Variants in ASIC2 observed in about 807,000 individuals in gnomAD.
ASIC2 encodes acid-sensing ion channel 2.
ASIC2 carries 25 observed loss-of-function variants against 57.3 expected under a neutral mutation model. The ratio of observed to expected loss-of-function variants is 0.44; its 90% confidence interval spans 0.32 to 0.61. ASIC2 has a LOEUF of 0.61. Among genes scored for constraint, ASIC2 ranks in the 20% least tolerant of loss-of-function variants. The pLI is 0.06. For missense variants in ASIC2, 641 were observed against 738.1 expected, an observed-to-expected ratio of 0.87 and a Z score of 1.52; for synonymous variants, 319 against 307.5, an observed-to-expected ratio of 1.04 and a Z score of -0.39.
intron 1 of ASIC2, among the ~76,000 whole-genome samples, chr17:33,700,394 T>G (rs1286801792): frequency 6.6e-6 from 1 of 152,162 alleles, no homozygotes; most frequent in Non-Finnish European, 1.5e-5. Flanking sequence ...CTAGCTGGAA[T>G]ACCCCTAGAG....
At chr17:33,424,413 G>A (rs950288029) in intron 1 of ASIC2, among the ~76,000 whole-genome samples, 1 of 152,216 alleles carries the variant, frequency 6.6e-6, no homozygotes, top group East Asian at 1.9e-4. Flanking sequence ...CAGAAGTTCA[G>A]TGGGGAGTCC....
At chr17:33,393,322 A>C (rs540212953) in intron 1 of ASIC2, among the ~76,000 whole-genome samples, 1 of 152,106 alleles carries the variant, frequency 6.6e-6, no homozygotes, top group Admixed American at 6.5e-5. Flanking sequence ...CATGGCTTTA[A>C]TGCTCCTCTG....
intron 2 of ASIC2, among the ~76,000 whole-genome samples, chr17:33,105,361 C>T (rs150120786): frequency 2.0e-5 from 3 of 152,316 alleles, no homozygotes; most frequent in Non-Finnish European, 4.4e-5. Context: ...TTGCCTGCTG[C>T]CATGTAAGAT....
chr17:33,459,283 T>C (rs575984075), intron 1 of ASIC2, among the ~76,000 whole-genome samples: 8 of 152,190 alleles, frequency 5.3e-5, no homozygotes, highest in Non-Finnish European at 1.0e-4. Flanking sequence ...CTGGCCTGTT[T>C]GTCAGGCTGT....
intron 1 of ASIC2, among the ~76,000 whole-genome samples, chr17:33,483,880 C>A (rs1913493270): frequency 6.6e-6 from 1 of 152,078 alleles, no homozygotes; most frequent in Non-Finnish European, 1.5e-5. Context: ...AAGATCTTGC[C>A]ATGGGGAAAT....
At chr17:33,199,338 T>G (rs188931904) in intron 1 of ASIC2, among the ~76,000 whole-genome samples, 1 of 152,328 alleles carries the variant, frequency 6.6e-6, no homozygotes, top group Non-Finnish European at 1.5e-5. Context: ...GCCAACTTGT[T>G]TAATCATCAG....
chr17:34,028,291 G>A (rs960896738), intron 1 of ASIC2, among the ~76,000 whole-genome samples: 8 of 152,166 alleles, frequency 5.3e-5, no homozygotes, highest in Non-Finnish European at 1.2e-4. Flanking sequence ...TGCTCATTAG[G>A]AGGAACAAAG....
At chr17:33,982,049 G>A (rs554807063) in intron 1 of ASIC2, among the ~76,000 whole-genome samples, 1 of 152,298 alleles carries the variant, frequency 6.6e-6, no homozygotes, top group South Asian at 2.1e-4. Flanking sequence ...AAGATGCTAA[G>A]CACCTGAGTA....
chr17:33,287,927 T>C (rs1452890623), intron 1 of ASIC2, among the ~76,000 whole-genome samples: 1 of 152,152 alleles, frequency 6.6e-6, no homozygotes, highest in Non-Finnish European at 1.5e-5. Flanking sequence ...CTCACTGAAA[T>C]ACATTTCACT....
chr17:33,071,720 T>C (rs1238966595), intron 3 of ASIC2, among the ~76,000 whole-genome samples: 1 of 152,226 alleles, frequency 6.6e-6, no homozygotes, highest in Middle Eastern at 3.2e-3. Flanking sequence ...TTAAGTTACT[T>C]AGAAAGAGTT....
intron 1 of ASIC2, among the ~76,000 whole-genome samples, chr17:33,184,713 C>A (rs763979286): frequency 1.3e-5 from 2 of 152,168 alleles, no homozygotes; most frequent in Non-Finnish European, 2.9e-5. Context: ...GGATACCTGC[C>A]TTTCAGGGGT....
chr17:33,400,730 C>T (rs1910252647), intron 1 of ASIC2, among the ~76,000 whole-genome samples: 1 of 152,160 alleles, frequency 6.6e-6, no homozygotes, highest in Admixed American at 6.6e-5. Context: ...TGTCCAGGGG[C>T]TGAGAATTCA....
chr17:33,180,618 C>A (rs1042075467), intron 1 of ASIC2, among the ~76,000 whole-genome samples: 10 of 152,196 alleles, frequency 6.6e-5, no homozygotes, highest in Admixed American at 5.2e-4. Flanking sequence ...GGAATCACCA[C>A]CAGGCCTTGG....
chr17:33,625,171 C>CTATCTATT (rs1171154899), intron 1 of ASIC2, among the ~76,000 whole-genome samples: 2,214 of 151,950 alleles, frequency 0.015, 26 homozygotes, highest in South Asian at 0.071. Flanking sequence ...ATCTATCTAT[C>CTATCTATT]TATCATCTAT....
At chr17:33,074,931 G>C (rs185219991) in intron 3 of ASIC2, among the ~76,000 whole-genome samples, 1 of 152,174 alleles carries the variant, frequency 6.6e-6, no homozygotes, top group Admixed American at 6.5e-5. Context: ...ATGCAAAGAT[G>C]GATGTTACAG....
In ASIC2 at chr17:33,536,239, C is replaced by T. The variant is rs1432490942; in HGVS notation, c.556-424172G>A. Among the ~76,000 whole-genome samples the T allele has an allele frequency of 2.6e-5, 4 of 152,150 alleles. No homozygotes were observed. In the East Asian group the frequency reaches 5.8e-4, roughly 22 times the overall value. ...AATGGCACTAGCATATACTCAATGG[C>T]TTGGCAGTCATTTTGGATTTCTGTC... On this transcript the variant is annotated intron_variant, in intron 1 of 9. Transcript: ENST00000359872.
At chr17:33,321,393 A>G (rs758167751) in intron 1 of ASIC2, among the ~76,000 whole-genome samples, 1 of 152,164 alleles carries the variant, frequency 6.6e-6, no homozygotes, top group Non-Finnish European at 1.5e-5. Flanking sequence ...GAGGCTCAGA[A>G]AGGAAATCAA....
Position 33,503,862 on chromosome 17 carries a change from A to G in ASIC2, c.556-391795T>C, listed in dbSNP as rs536531983. Among the ~76,000 whole-genome samples, 3 of 152,316 alleles carry G rather than the reference A, an allele frequency of 2.0e-5. 1 individual carries two copies. In the South Asian group the frequency reaches 6.2e-4, roughly 32 times the overall value. On this transcript the variant is annotated intron_variant, in intron 1 of 9. Transcript: ENST00000359872. ...ATCAACTCCACATTCCAGGATTAGG[A>G]TGAGGAATGAGGAGAGACATTACAC...
At chr17:33,264,545 T>C (rs989150420) in intron 1 of ASIC2, among the ~76,000 whole-genome samples, 4 of 152,206 alleles carry the variant, frequency 2.6e-5, no homozygotes, top group African/African-American at 9.6e-5. Flanking sequence ...CTGCATCCCA[T>C]ACCAGGCCAC....
Sources: gnomAD v4.1 joint callset for allele counts (sites outside exome capture counted in the v4.1 genomes callset) on GRCh38, gnomAD v4.1.1 for gene constraint, MANE v1.5 for transcripts, NCBI Gene and HGNC (gene_info 2026-07-23, HGNC 2026-07-21) for gene names.